Variants in SH3GL2 observed in about 807,000 individuals in gnomAD.
SH3GL2 encodes endophilin-A1.
A neutral mutation model predicts 46.0 loss-of-function variants in SH3GL2; 24 were observed. That is an observed-to-expected ratio of 0.52 (90% CI 0.38 to 0.73). SH3GL2 has a LOEUF of 0.73. Among genes scored for constraint, SH3GL2 ranks in the 30% least tolerant of loss-of-function variants. The pLI is 0.00. For synonymous variants in SH3GL2, 196 were observed against 147.1 expected (o/e 1.33, Z -2.40); for missense variants, 413 against 424.2 (o/e 0.97, Z 0.23).
At chr9:17,612,291 T>C (rs754502717) in intron 1 of SH3GL2, among the ~76,000 whole-genome samples, 11 of 152,292 alleles carry the variant, frequency 7.2e-5, no homozygotes, top group Non-Finnish European at 1.6e-4. Context: ...GTAGTAGCTC[T>C]GGTCAGATTT....
At chr9:17,717,969 C>T (rs1047852955) in intron 1 of SH3GL2, among the ~76,000 whole-genome samples, 1 of 152,080 alleles carries the variant, frequency 6.6e-6, no homozygotes, top group African/African-American at 2.4e-5. Flanking sequence ...GGGGTGGAAA[C>T]ATGACAGTAA....
chr9:17,677,692 C>T (rs1425978914), intron 1 of SH3GL2, among the ~76,000 whole-genome samples: 4 of 151,668 alleles, frequency 2.6e-5, no homozygotes, highest in Admixed American at 6.6e-5. Context: ...AGGTTTGTTA[C>T]ATATGTATAC....
intron 1 of SH3GL2, among the ~76,000 whole-genome samples, chr9:17,632,895 T>G (rs1228100231): frequency 6.6e-6 from 1 of 152,184 alleles, no homozygotes; most frequent in Non-Finnish European, 1.5e-5. Context: ...GGTAACGGAT[T>G]GTGGTGTTTT....
intron 2 of SH3GL2, among the ~76,000 whole-genome samples, chr9:17,749,878 A>G (rs1822795856): frequency 6.6e-6 from 1 of 152,212 alleles, no homozygotes; most frequent in Non-Finnish European, 1.5e-5. Context: ...AATTTATAGA[A>G]ATGTTTCTGA....
At chr9:17,794,582 T>G (rs547739194) in intron 8 of SH3GL2, among the ~76,000 whole-genome samples, 1 of 152,334 alleles carries the variant, frequency 6.6e-6, no homozygotes, top group South Asian at 2.1e-4. Context: ...ATTTGCTTCT[T>G]TCTCTAAATA....
At chr9:17,673,318 A>ATTT (rs35240605) in intron 1 of SH3GL2, among the ~76,000 whole-genome samples, 2,914 of 141,056 alleles carry the variant, frequency 0.021, 45 homozygotes, top group Non-Finnish European at 0.03. Context: ...CTAGTTTTTA[A>ATTT]TTTTTTTTTT....
intron 1 of SH3GL2, among the ~76,000 whole-genome samples, chr9:17,610,147 A>G (rs992390281): frequency 6.6e-6 from 1 of 152,240 alleles, no homozygotes; most frequent in African/African-American, 2.4e-5. Flanking sequence ...GGCAAGTTCC[A>G]TCTTCTCCAA....
intron 1 of SH3GL2, among the ~76,000 whole-genome samples, chr9:17,691,404 A>T (rs1030102695): frequency 2.0e-5 from 3 of 152,182 alleles, no homozygotes; most frequent in Non-Finnish European, 4.4e-5. Context: ...AGATAATAGA[A>T]AATTAGATAG....
At chr9:17,731,057 C>T (rs1381400253) in intron 1 of SH3GL2, among the ~76,000 whole-genome samples, 2 of 152,104 alleles carry the variant, frequency 1.3e-5, no homozygotes, top group Non-Finnish European at 2.9e-5. Flanking sequence ...AGTCACGATT[C>T]TGTGGTTCTG....
At chr9:17,610,669 A>C (rs1284152382) in intron 1 of SH3GL2, among the ~76,000 whole-genome samples, 1 of 152,210 alleles carries the variant, frequency 6.6e-6, no homozygotes, top group African/African-American at 2.4e-5. Flanking sequence ...TTTTTGACGA[A>C]GAAGTTTAAC....
chr9:17,721,893 A>C (rs1007343036), intron 1 of SH3GL2, among the ~76,000 whole-genome samples: 2 of 152,056 alleles, frequency 1.3e-5, no homozygotes, highest in Non-Finnish European at 2.9e-5. Flanking sequence ...ATAACCACTA[A>C]TAGGAAAATT....
At chr9:17,628,774 C>A (rs1416304006) in intron 1 of SH3GL2, among the ~76,000 whole-genome samples, 1 of 151,906 alleles carries the variant, frequency 6.6e-6, no homozygotes, top group Non-Finnish European at 1.5e-5. Flanking sequence ...GGGTAAAATC[C>A]TGCCAACTGC....
chr9:17,793,373 A>G lies in SH3GL2; in HGVS notation c.735A>G (p.Arg245=), dbSNP rs368860865. ...QVTVRLEERI[R]QASSQPRREY... ...ACTTTTCTTTTTACTGCAGAATAAG[A>G]CAGGCTTCATCTCAGCCTAGAAGGG... The change falls in exon 8 of 9, where the codon AGA becomes AGG. Residue 245 remains arginine, a synonymous_variant. Transcript: ENST00000380607. 3.8e-5 allele frequency: 62 copies of G among 1,610,880 alleles called. No individual in the cohort carries two copies. Among genetic ancestry groups the G allele is most frequent in the East Asian group, 3.4e-4 (15 of 44,658 alleles).
rs1563833704 is a variant in SH3GL2, at chr9:17,738,546, G to GTGTGTGTATATACATACATATATACATA, written c.46-8513_46-8512insATATACATACATATATACATATGTGTGT. Among the ~76,000 whole-genome samples, 11 of 35,904 alleles carry GTGTGTGTATATACATACATATATACATA rather than the reference G, an allele frequency of 3.1e-4. 1 individual carries two copies. Among genetic ancestry groups the GTGTGTGTATATACATACATATATACATA allele is most frequent in the African/African-American group, 7.7e-4 (11 of 14,358 alleles). 23.6% of individuals were successfully genotyped at this position (35,904 alleles called of 152,430 possible). On this transcript the variant is annotated intron_variant, in intron 1 of 8. Transcript: ENST00000380607. ...TGTATATACATACATATATACATAA[G>GTGTGTGTATATACATACATATATACATA]TGTGTGTGTATATACATACATATAT... is the stretch of plus-strand genomic sequence containing the variant.
At chr9:17,649,371 G>C (rs897584345) in intron 1 of SH3GL2, among the ~76,000 whole-genome samples, 3 of 152,006 alleles carry the variant, frequency 2.0e-5, no homozygotes, top group Non-Finnish European at 4.4e-5. Flanking sequence ...CTGCCCTATC[G>C]CGTACATTTT....
intron 1 of SH3GL2, among the ~76,000 whole-genome samples, chr9:17,712,213 A>G (rs1821644459): frequency 6.6e-6 from 1 of 151,738 alleles, no homozygotes; most frequent in Admixed American, 6.6e-5. Flanking sequence ...GTGGATACAA[A>G]TTCTTTATCA....
intron 3 of SH3GL2, among the ~76,000 whole-genome samples, chr9:17,766,340 G>A (rs1823317566): frequency 6.6e-6 from 1 of 152,188 alleles, no homozygotes; most frequent in Admixed American, 6.5e-5. Context: ...TTCCTAAAAT[G>A]CTTAAATAAG....
At position 17,788,384 on chromosome 9, in the gene SH3GL2, C is replaced by T. The variant is rs188227224; in HGVS notation, c.465+871C>T. Among the ~76,000 whole-genome samples, 43 of 152,074 alleles carry T rather than the reference C, an allele frequency of 2.8e-4. 1 individual carries two copies. The highest frequency in any genetic ancestry group is 9.4e-4 in the African/African-American group (39 of 41,510). Reference sequence around the variant, plus strand: ...TTGGATCAGGGCATGGACTGAGGGGCGGGGGATGCAGTGTGAGGGAAGGTT... The same window carrying T: ...TTGGATCAGGGCATGGACTGAGGGGTGGGGGATGCAGTGTGAGGGAAGGTT... On this transcript the variant is annotated intron_variant, in intron 5 of 8. Coordinates refer to ENST00000380607, the MANE Select transcript of SH3GL2 (RefSeq NM_003026.5).
rs548099196 is a variant in SH3GL2, at chr9:17,796,583, T to C, written c.*840T>C. The C allele has an allele frequency of 6.6e-6, 1 of 152,456 alleles. No homozygotes were observed. The highest frequency in any genetic ancestry group is 1.5e-5 in the Non-Finnish European group (1 of 68,036). The allele number at this position is 152,456 out of a possible 1,614,324, so 9.4% of individuals were successfully genotyped here. A position where few individuals can be genotyped will look rare whatever the true frequency, so the allele number is the denominator to read the frequency against. On this transcript the variant is annotated 3_prime_UTR_variant, in exon 9 of 9. Coordinates refer to ENST00000380607, the MANE Select transcript of SH3GL2 (RefSeq NM_003026.5). The stretch of plus-strand genomic sequence containing the variant: ...GGAACAAATATCTTCACTTCAGTTT[T>C]ATTTGTGAATTACATGTTTCATGAA...
Sources: gnomAD v4.1 joint callset for allele counts (sites outside exome capture counted in the v4.1 genomes callset) on GRCh38, gnomAD v4.1.1 for gene constraint, MANE v1.5 for transcripts, NCBI Gene and HGNC (gene_info 2026-07-23, HGNC 2026-07-21) for gene names.